Variants in HDAC9 observed in about 807,000 individuals in gnomAD.
The protein encoded by HDAC9 is MEF-2 interacting transcription repressor (MITR) protein.
A neutral mutation model predicts 139.4 loss-of-function variants in HDAC9; 41 were observed. That is an observed-to-expected ratio of 0.29 (90% CI 0.23 to 0.38). The LOEUF is 0.38. Among genes scored for constraint, HDAC9 ranks in the 10% least tolerant of loss-of-function variants. HDAC9 has a pLI of 1.00. For synonymous variants in HDAC9, 517 were observed against 476.2 expected, an observed-to-expected ratio of 1.09 and a Z score of -1.12; for missense variants, 1,147 against 1,297.0, an observed-to-expected ratio of 0.88 and a Z score of 1.78.
At chr7:18,103,480 C>G (rs147805969) in intron 1 of HDAC9, among the ~76,000 whole-genome samples, 8 of 152,270 alleles carry the variant, frequency 5.3e-5, no homozygotes, top group African/African-American at 1.9e-4. Flanking sequence ...CAGCCCTTTG[C>G]GCCATCTCTC....
rs1422662462 is a variant in HDAC9 at position 18,647,932 on chromosome 7, C to T, written c.1183C>T (p.His395Tyr). The change falls in exon 10 of 26, where the codon CAC becomes TAC. Residue 395 changes from histidine to tyrosine, a missense_variant. His to Tyr is a moderately conservative substitution (Grantham distance 83, BLOSUM62 2). This residue lies in a region of HDAC9 where 264 missense variants were observed against 273.8 expected (regional missense o/e 0.96). Coordinates refer to ENST00000686413, the MANE Select transcript of HDAC9 (RefSeq NM_178425.4). ...TLEGKPPNSS[H>Y]QALLQHLLLK... ...AGAGGGAAAGCCACCCAACAGCAGC[C>T]ACCAGGCTCTCCTGCAGCATTTATT... is the stretch of plus-strand genomic sequence containing the variant. 2 of 1,612,880 alleles carry T rather than the reference C, an allele frequency of 1.2e-6. No individual in the cohort carries two copies. The highest frequency in any genetic ancestry group is 1.3e-5 in the African/African-American group (1 of 75,036).
chr7:18,442,253 T>C (rs1158064625), intron 1 of HDAC9, among the ~76,000 whole-genome samples: 1 of 152,238 alleles, frequency 6.6e-6, no homozygotes, highest in African/African-American at 2.4e-5. Context: ...GAGCATTTTC[T>C]ACCCCTATGT....
chr7:18,297,907 C>A (rs771782098), intron 1 of HDAC9, among the ~76,000 whole-genome samples: 1 of 152,156 alleles, frequency 6.6e-6, no homozygotes, highest in Non-Finnish European at 1.5e-5. Context: ...GCCTTAATGA[C>A]GTTCCATCCT....
intron 6 of HDAC9, among the ~76,000 whole-genome samples, chr7:18,615,126 A>AAG (rs143985512): frequency 0.03 from 4,622 of 152,282 alleles, 243 homozygotes; most frequent in African/African-American, 0.11. Context: ...TACCAGATGG[A>AAG]AGGTTACATT....
chr7:18,800,757 C>T (rs949795163), intron 17 of HDAC9, among the ~76,000 whole-genome samples: 12 of 152,098 alleles, frequency 7.9e-5, no homozygotes, highest in African/African-American at 1.9e-4. Context: ...TGCTTGAGCC[C>T]GGGAAGTCAA....
intron 22 of HDAC9, among the ~76,000 whole-genome samples, chr7:18,900,216 A>G (rs1801569419): frequency 6.6e-6 from 1 of 152,172 alleles, no homozygotes; most frequent in Admixed American, 6.5e-5. Flanking sequence ...AGGTGCACAC[A>G]CACTAATGCA....
Position 18,992,045 on chromosome 7 carries a change from G to A in HDAC9, c.3171-3978G>A, listed in dbSNP as rs575107596. Among the ~76,000 whole-genome samples, 7 of 152,224 alleles carry A rather than the reference G, an allele frequency of 4.6e-5. No individual in the cohort carries two copies. In the South Asian group the frequency reaches 1.4e-3, roughly 32 times the overall value. The stretch of plus-strand genomic sequence containing the variant: ...ATGGGTGGAGATGTGGGGCTTTAGA[G>A]CCTCACTGCTTTGGGAAGATAAACT... On this transcript the variant is annotated intron_variant, in intron 25 of 25. Transcript: ENST00000686413.
chr7:18,987,338 T>C lies in HDAC9; in HGVS notation c.3171-8685T>C, dbSNP rs554676538. 2.6e-5 allele frequency among the ~76,000 whole-genome samples: 4 copies of C among 152,388 alleles called. No individual in the cohort carries two copies. The South Asian group carries it at 8.3e-4, about 32-fold the overall frequency. On this transcript the variant is annotated intron_variant, in intron 25 of 25. Coordinates refer to ENST00000686413, the MANE Select transcript of HDAC9 (RefSeq NM_178425.4). ...TATTGAGATTATCATGTGGCTTTTG[T>C]CTTTGGTTCTGTTTATATGCTGGAT...
intron 15 of HDAC9, among the ~76,000 whole-genome samples, chr7:18,765,526 G>A (rs1789758845): frequency 6.6e-6 from 1 of 152,054 alleles, no homozygotes; most frequent in South Asian, 2.1e-4. Flanking sequence ...GGCTGAGGCA[G>A]AAGAATCGGT....
rs114986345 is a variant in HDAC9, at chr7:18,575,898, C to T, written c.23-9383C>T. ...GGCCTTACTATGTTTTCATGTTGTA[C>T]TAAGCACTGAAAACATAGTCTCTGC... On this transcript the variant is annotated intron_variant, in intron 2 of 25. Coordinates refer to ENST00000686413, the MANE Select transcript of HDAC9 (RefSeq NM_178425.4). Among the ~76,000 whole-genome samples the T allele has an allele frequency of 9.7e-3, 1,469 of 152,144 alleles. 31 individuals carry two copies. The highest frequency in any genetic ancestry group is 0.034 in the African/African-American group (1,392 of 41,492).
intron 23 of HDAC9, among the ~76,000 whole-genome samples, chr7:18,936,986 G>A (rs1435836199): frequency 6.7e-6 from 1 of 149,452 alleles, no homozygotes; most frequent in Non-Finnish European, 1.5e-5. Context: ...GAAAAAATAT[G>A]AGAGAGAAAA....
chr7:18,516,448 C>A (rs913371143), intron 2 of HDAC9, among the ~76,000 whole-genome samples: 1 of 152,126 alleles, frequency 6.6e-6, no homozygotes, highest in African/African-American at 2.4e-5. Context: ...CCGCCCTAGT[C>A]AATATCCTAT....
intron 2 of HDAC9, among the ~76,000 whole-genome samples, chr7:18,552,956 T>C (rs956158963): frequency 6.6e-6 from 1 of 152,232 alleles, no homozygotes; most frequent in African/African-American, 2.4e-5. Flanking sequence ...CTAATCCAAG[T>C]GTACTGGCAG....
At chr7:18,647,151 G>C (rs1787682844) in intron 9 of HDAC9, among the ~76,000 whole-genome samples, 1 of 152,060 alleles carries the variant, frequency 6.6e-6, no homozygotes, top group African/African-American at 2.4e-5. Flanking sequence ...TAATCCCCAT[G>C]ATATAGTCTT....
chr7:18,892,957 T>G (rs762962077), intron 22 of HDAC9, among the ~76,000 whole-genome samples: 2 of 147,710 alleles, frequency 1.4e-5, no homozygotes, highest in Non-Finnish European at 3.0e-5. Context: ...GGTTGTTACT[T>G]GTTGCTTCTC....
intron 25 of HDAC9, among the ~76,000 whole-genome samples, chr7:18,984,606 A>G (rs1785181226): frequency 6.6e-6 from 1 of 152,146 alleles, no homozygotes; most frequent in South Asian, 2.1e-4. Context: ...GGAGAGGAAG[A>G]AAACCTAGTG....
chr7:18,159,147 T>G (rs1182620074), intron 1 of HDAC9, among the ~76,000 whole-genome samples: 2 of 152,224 alleles, frequency 1.3e-5, no homozygotes, highest in Non-Finnish European at 2.9e-5. Flanking sequence ...ATGTATATGT[T>G]TTTTACAGCA....
At chr7:18,854,206 T>C (rs1310143854) in intron 21 of HDAC9, among the ~76,000 whole-genome samples, 1 of 152,170 alleles carries the variant, frequency 6.6e-6, no homozygotes, top group African/African-American at 2.4e-5. Flanking sequence ...TGTGGGTATT[T>C]GGCAAGCATG....
At chr7:18,396,458 A>G (rs1352809061) in intron 1 of HDAC9, among the ~76,000 whole-genome samples, 2 of 152,106 alleles carry the variant, frequency 1.3e-5, no homozygotes, top group Non-Finnish European at 2.9e-5. Flanking sequence ...AATATTCCCA[A>G]TAGCTTGGAA....
Sources: allele counts gnomAD v4.1 joint callset (sites outside exome capture counted in the v4.1 genomes callset), GRCh38; gene constraint gnomAD v4.1.1; regional missense constraint gnomAD v4.1.1; transcripts MANE v1.5; gene names NCBI Gene and HGNC (gene_info 2026-07-23, HGNC 2026-07-21).